Variants in PTPRD observed in about 807,000 individuals in gnomAD.
The protein encoded by PTPRD is protein tyrosine phosphatase receptor type D.
PTPRD carries 34 observed loss-of-function variants against 214.5 expected under a neutral mutation model. That is an observed-to-expected ratio of 0.16 (90% CI 0.12 to 0.21). The LOEUF is 0.21. Ranked by LOEUF, PTPRD falls within the 10% of genes least tolerant of loss-of-function variation. The probability of loss-of-function intolerance (pLI) is 1.00; values close to 1 mark genes in which losing one functional copy is unlikely to be tolerated. For synonymous variants in PTPRD, 1,128 were observed against 845.7 expected, an observed-to-expected ratio of 1.33 and a Z score of -5.79; for missense variants, 2,545 against 2,398.7, an observed-to-expected ratio of 1.06 and a Z score of -1.27.
At chr9:9,066,605 G>T (rs183740952) in intron 10 of PTPRD, among the ~76,000 whole-genome samples, 1 of 152,212 alleles carries the variant, frequency 6.6e-6, no homozygotes, top group East Asian at 1.9e-4. Flanking sequence ...TTGAGAGGGG[G>T]GAGATTATTC....
In PTPRD at chr9:10,505,035, T is replaced by C. The variant is rs866972493; in HGVS notation, c.-600+107363A>G. 2.6e-5 allele frequency among the ~76,000 whole-genome samples: 4 copies of C among 152,298 alleles called. No individual in the cohort carries two copies. The South Asian group carries it at 6.2e-4, about 24-fold the overall frequency. Reference sequence around the variant, plus strand: ...CATGCCAATCTTAATGCAAGAGCTGTCATAGCCAGAGATTCTAGGATACCA... The same window carrying C: ...CATGCCAATCTTAATGCAAGAGCTGCCATAGCCAGAGATTCTAGGATACCA... On this transcript the variant is annotated intron_variant, in intron 2 of 45. Coordinates refer to ENST00000381196, the MANE Select transcript of PTPRD (RefSeq NM_002839.4).
Position 10,056,769 on chromosome 9 carries a change from A to G in PTPRD, c.-544-22979T>C, listed in dbSNP as rs190243642. Among the ~76,000 whole-genome samples, 114 of 152,262 alleles carry G rather than the reference A, an allele frequency of 7.5e-4. 1 individual carries two copies. Among genetic ancestry groups the G allele is most frequent in the Admixed American group, 4.5e-3 (69 of 15,284 alleles). ...TTAATGAGCCACATTCTCCCTATGT[A>G]TGGGTTATATCATGGGAATAAATTA... is the stretch of plus-strand genomic sequence containing the variant. On this transcript the variant is annotated intron_variant, in intron 3 of 45. Transcript: ENST00000381196.
chr9:9,302,437 G>C (rs555964229), intron 9 of PTPRD, among the ~76,000 whole-genome samples: 1 of 151,874 alleles, frequency 6.6e-6, no homozygotes, highest in East Asian at 1.9e-4. Flanking sequence ...ACGTGTGAAA[G>C]TGGATGAGAT....
intron 8 of PTPRD, among the ~76,000 whole-genome samples, chr9:9,553,291 A>G (rs1041989863): frequency 1.3e-5 from 2 of 152,170 alleles, no homozygotes; most frequent in Admixed American, 1.3e-4. Context: ...TTATTGAATG[A>G]ATGAATTCAG....
At chr9:9,404,732 C>T (rs895325309) in intron 8 of PTPRD, among the ~76,000 whole-genome samples, 1 of 151,980 alleles carries the variant, frequency 6.6e-6, no homozygotes, top group African/African-American at 2.4e-5. Context: ...GAATCATTAT[C>T]ACAGAGAACA....
At chr9:9,808,741 A>G (rs2046218102) in intron 5 of PTPRD, among the ~76,000 whole-genome samples, 1 of 152,024 alleles carries the variant, frequency 6.6e-6, no homozygotes, top group Admixed American at 6.6e-5. Context: ...CCCAACTTTC[A>G]TCTCCCTTAT....
intron 9 of PTPRD, among the ~76,000 whole-genome samples, chr9:9,213,937 A>G (rs1334911976): frequency 6.7e-6 from 1 of 149,888 alleles, no homozygotes; most frequent in African/African-American, 2.5e-5. Flanking sequence ...TTATTTGCTC[A>G]CTTTTCTAGA....
At chr9:9,150,694 A>C (rs925913310) in intron 10 of PTPRD, among the ~76,000 whole-genome samples, 1 of 151,892 alleles carries the variant, frequency 6.6e-6, no homozygotes, top group Admixed American at 6.6e-5. Context: ...GGCTGGTCTC[A>C]AACTCCTGAC....
At chr9:9,397,247 T>C (rs1444789158) in intron 9 of PTPRD, among the ~76,000 whole-genome samples, 2 of 152,014 alleles carry the variant, frequency 1.3e-5, no homozygotes, top group Non-Finnish European at 1.5e-5. Flanking sequence ...TAAACATCTC[T>C]GTTGACAAAA....
At chr9:8,373,612 GGTGTGTGTGTGTGTGTGTGTGT>G (rs36212158) in intron 39 of PTPRD, among the ~76,000 whole-genome samples, 1 of 141,456 alleles carries the variant, frequency 7.1e-6, no homozygotes, top group South Asian at 2.3e-4. Context: ...CATGGATGCG[GGTGTGTGTGTGTGTGTGTGTGT>G]GTGTGTGTGT....
At chr9:8,486,994 T>TAA (rs143445268) in intron 27 of PTPRD, among the ~76,000 whole-genome samples, 2 of 151,582 alleles carry the variant, frequency 1.3e-5, no homozygotes, top group African/African-American at 2.4e-5. Flanking sequence ...CTTAAAAGTT[T>TAA]AAAAAAAAAC....
intron 10 of PTPRD, among the ~76,000 whole-genome samples, chr9:9,072,251 T>G (rs1028415655): frequency 6.8e-6 from 1 of 147,414 alleles, no homozygotes; most frequent in Admixed American, 6.8e-5. Context: ...AAGAAAAGAG[T>G]CTTTCTCACG....
At chr9:10,248,975 A>G (rs147824383) in intron 3 of PTPRD, among the ~76,000 whole-genome samples, 226 of 152,154 alleles carry the variant, frequency 1.5e-3, no homozygotes, top group African/African-American at 5.0e-3. Flanking sequence ...AGTAATACGT[A>G]GTAGCCTAGA....
intron 10 of PTPRD, among the ~76,000 whole-genome samples, chr9:9,064,737 C>T (rs369918056): frequency 2.2e-4 from 34 of 152,220 alleles, no homozygotes; most frequent in East Asian, 1.9e-3. Context: ...TATGGACATT[C>T]GGTCAGATTG....
chr9:9,401,118 T>A (rs774976767), intron 8 of PTPRD, among the ~76,000 whole-genome samples: 9 of 152,006 alleles, frequency 5.9e-5, no homozygotes, highest in Non-Finnish European at 1.2e-4. Context: ...CAGTATTGAC[T>A]TGTAGAACCA....
chr9:8,507,415 G>C lies in PTPRD; in HGVS notation c.1563C>G (p.Asn521Lys), dbSNP rs764341534. 1.9e-6 allele frequency: 3 copies of C among 1,613,844 alleles called. No individual in the cohort carries two copies. Among genetic ancestry groups the C allele is most frequent in the Non-Finnish European group, 2.5e-6 (3 of 1,179,860 alleles). ...TQTGVPGQPLNFKAEPESETS... is the reference protein window; with the variant it reads ...TQTGVPGQPLKFKAEPESETS... ...TTTCAGACTCAGGTTCTGCTTTGAA[G>C]TTTAGTGGCTGCCCTGGTACTAAAA... is the stretch of plus-strand genomic sequence containing the variant. Residue 521 changes from asparagine (N) to lysine (K), a missense_variant, in exon 22 of 46, where the codon AAC becomes AAG. Transcript: ENST00000381196.
Position 10,271,621 on chromosome 9 carries a change from C to T in PTPRD, c.-545+69342G>A, listed in dbSNP as rs139719594. On this transcript the variant is annotated intron_variant, in intron 3 of 45. Coordinates refer to ENST00000381196, the MANE Select transcript of PTPRD (RefSeq NM_002839.4). Reference sequence around the variant, plus strand: ...GCGGTGGAATAATCTCGGCTCACTGCAACCTCCGCCTCCCAGGTTCAAGCA... The same window carrying T: ...GCGGTGGAATAATCTCGGCTCACTGTAACCTCCGCCTCCCAGGTTCAAGCA... Among the ~76,000 whole-genome samples, 276 of 150,930 alleles carry T rather than the reference C, an allele frequency of 1.8e-3. 2 individuals carry two copies. The highest frequency in any genetic ancestry group is 6.3e-3 in the African/African-American group (260 of 41,194).
intron 2 of PTPRD, among the ~76,000 whole-genome samples, chr9:10,420,257 TGA>T (rs2154515505): frequency 6.6e-6 from 1 of 152,038 alleles, no homozygotes; most frequent in South Asian, 2.1e-4. Flanking sequence ...GAGTTTACTC[TGA>T]GAATTTATTC....
chr9:10,557,983 A>C (rs1372487093), intron 2 of PTPRD, among the ~76,000 whole-genome samples: 1 of 152,134 alleles, frequency 6.6e-6, no homozygotes, highest in Non-Finnish European at 1.5e-5. Flanking sequence ...CTCTGTTGGA[A>C]TCTTGTTGAA....
Sources: gnomAD v4.1 joint callset for allele counts (sites outside exome capture counted in the v4.1 genomes callset) on GRCh38, gnomAD v4.1.1 for gene constraint, MANE v1.5 for transcripts, NCBI Gene and HGNC (gene_info 2026-07-23, HGNC 2026-07-21) for gene names.